Variants in TENT5C observed in about 807,000 individuals in gnomAD.
TENT5C encodes the protein terminal nucleotidyltransferase 5C, also known as family with sequence similarity 46 member C.
Under a neutral mutation model 22.2 loss-of-function variants are expected in TENT5C, and 5 were observed. That is an observed-to-expected ratio of 0.22 (90% CI 0.12 to 0.47). The LOEUF is 0.47. TENT5C is among the 20% of genes least tolerant of loss of function. The pLI is 0.99. For synonymous variants in TENT5C, 199 were observed against 195.4 expected (o/e 1.02, Z -0.15); for missense variants, 364 against 500.9 (o/e 0.73, Z 2.61).
Position 117,626,383 on chromosome 1 carries a change from T to C in TENT5C, c.*2339T>C, listed in dbSNP as rs1291321314. ...CCCAGTCCCCAGTCTTTGCCACCAT[T>C]GCACCATGGTTGTCTCGGAGTCCCT... On this transcript the variant is annotated 3_prime_UTR_variant, in exon 2 of 2. Transcript: ENST00000369448. 1 of 247,894 alleles carries C rather than the reference T, an allele frequency of 4.0e-6. No individual in the cohort carries two copies. Among genetic ancestry groups the C allele is most frequent in the East Asian group, 6.0e-5 (1 of 16,584 alleles). The allele number at this position is 247,894 out of a possible 1,614,324, so 15.4% of individuals were successfully genotyped here.
At chr1:117,612,699 A>G (rs1036105636) in intron 1 of TENT5C, among the ~76,000 whole-genome samples, 1 of 152,246 alleles carries the variant, frequency 6.6e-6, no homozygotes, top group African/African-American at 2.4e-5. Flanking sequence ...CGTAATTAGC[A>G]TCTGCTCTGA....
At position 117,623,238 on chromosome 1, in the gene TENT5C, G is replaced by A. The variant is rs1653938675; in HGVS notation, c.370G>A (p.Val124Met). The change falls in exon 2 of 2, where the codon GTG (valine) becomes ATG (methionine). Residue 124 changes from valine (V) to methionine (M), a missense_variant. Physicochemically the swap from Val to Met is conservative, Grantham distance 21. Coordinates refer to ENST00000369448, the MANE Select transcript of TENT5C (RefSeq NM_017709.4). ...CSLLNFLPEG[V>M]NKLKISPVTL... is the part of the protein sequence containing the mutation. ...CCTTCTGAACTTCCTGCCAGAGGGTGTGAACAAGCTCAAAATCAGTCCAGT... is the reference window on the plus strand; with the variant it reads ...CCTTCTGAACTTCCTGCCAGAGGGTATGAACAAGCTCAAAATCAGTCCAGT... 6.2e-7 allele frequency: 1 copy of A among 1,614,188 alleles called. No individual in the cohort carries two copies. The highest frequency in any genetic ancestry group is 8.5e-7 in the Non-Finnish European group (1 of 1,180,040).
At chr1:117,621,021 C>A (rs546388325) in intron 1 of TENT5C, among the ~76,000 whole-genome samples, 65 of 152,248 alleles carry the variant, frequency 4.3e-4, no homozygotes, top group African/African-American at 1.5e-3. Context: ...ACTCTACTAT[C>A]CCAAATCTGC....
intron 1 of TENT5C, among the ~76,000 whole-genome samples, chr1:117,610,068 TTCTC>T (rs956625964): frequency 1.4e-4 from 22 of 152,198 alleles, no homozygotes; most frequent in African/African-American, 4.6e-4. Context: ...ACTCAGCCTT[TTCTC>T]TCTCTCTGTT....
In TENT5C at chr1:117,624,029, G is replaced by A. The variant is rs774743199; in HGVS notation, c.1161G>A (p.Trp387Ter). 6 of 1,612,462 alleles carry A rather than the reference G, an allele frequency of 3.7e-6. No homozygotes were observed. The highest frequency in any genetic ancestry group is 1.1e-5 in the South Asian group (1 of 90,672). The part of the protein sequence containing the change: ...PVTYSQPYPT[W>*]LPCN ...CCTACAGCCAGCCTTACCCTACCTG[G>A]CTGCCCTGTAACTAACCTTGAGACC... is the stretch of plus-strand genomic sequence containing the variant. The change falls in exon 2 of 2, where the codon TGG (tryptophan) becomes TGA (stop). Residue 387 changes from tryptophan (W) to a stop codon, truncating the protein, a stop_gained. Coordinates refer to ENST00000369448, the MANE Select transcript of TENT5C (RefSeq NM_017709.4). LOFTEE classifies it high-confidence loss of function.
chr1:117,625,601 A>G lies in TENT5C; in HGVS notation c.*1557A>G, dbSNP rs761960366. 9 of 248,082 alleles carry G rather than the reference A, an allele frequency of 3.6e-5. No individual in the cohort carries two copies. Among genetic ancestry groups the G allele is most frequent in the Non-Finnish European group, 6.8e-5 (8 of 118,132 alleles). 15.4% of individuals were successfully genotyped at this position (248,082 alleles called of 1,614,324 possible). On this transcript the variant is annotated 3_prime_UTR_variant, in exon 2 of 2. Transcript: ENST00000369448. ...GTTCTAAAGTGATTTAATCAAATTC[A>G]TGCTCCTGATCTTTTTTTTCCCCCT...
In TENT5C at chr1:117,624,390, G is replaced by A. The variant is rs932120338; in HGVS notation, c.*346G>A. On this transcript the variant is annotated 3_prime_UTR_variant, in exon 2 of 2. Transcript: ENST00000369448. ...GAGATTGGGAGAATTTGGGCAGCGC[G>A]TGAGAAGTGCTAAGCTACTTGTTTT... is the stretch of plus-strand genomic sequence containing the variant. The A allele has an allele frequency of 2.3e-5, 7 of 302,290 alleles. No homozygotes were observed. The highest frequency in any genetic ancestry group is 3.3e-5 in the Non-Finnish European group (5 of 153,454). 18.7% of individuals were successfully genotyped at this position (302,290 alleles called of 1,614,324 possible).
At chr1:117,614,745 C>A (rs1449737843) in intron 1 of TENT5C, among the ~76,000 whole-genome samples, 1 of 152,124 alleles carries the variant, frequency 6.6e-6, no homozygotes, top group Admixed American at 6.5e-5. Context: ...AAGCAGCATG[C>A]CTTAGTTTTC....
chr1:117,621,990 A>G (rs1473378801), intron 1 of TENT5C, among the ~76,000 whole-genome samples: 2 of 152,100 alleles, frequency 1.3e-5, no homozygotes, highest in African/African-American at 2.4e-5. Flanking sequence ...TTAAGGTACT[A>G]TTGTTTTCCA....
Position 117,606,065 on chromosome 1 carries a change from T to G in TENT5C, c.-116T>G, listed in dbSNP as rs1653518303. Reference sequence around the variant, plus strand: ...GGCGGGACGGCTCACTCGGTGCCGCTGCCTAGGGGCTGTAGAGGTCGCGCC... The same window carrying G: ...GGCGGGACGGCTCACTCGGTGCCGCGGCCTAGGGGCTGTAGAGGTCGCGCC... On this transcript the variant is annotated 5_prime_UTR_variant, in exon 1 of 2. Transcript: ENST00000369448. 6.6e-6 allele frequency: 1 copy of G among 152,174 alleles called. No homozygotes were observed. Among genetic ancestry groups the G allele is most frequent in the South Asian group, 2.1e-4 (1 of 4,824 alleles). The allele number at this position is 152,174 out of a possible 1,614,324, so 9.4% of individuals were successfully genotyped here.
rs1654020660 is a variant in TENT5C, at chr1:117,626,672, C to G, written c.*2628C>G. 4.0e-6 allele frequency: 1 copy of G among 247,944 alleles called. No homozygotes were observed. The highest frequency in any genetic ancestry group is 8.5e-6 in the Non-Finnish European group (1 of 118,108). 15.4% of individuals were successfully genotyped at this position (247,944 alleles called of 1,614,324 possible). On this transcript the variant is annotated 3_prime_UTR_variant, in exon 2 of 2. Coordinates refer to ENST00000369448, the MANE Select transcript of TENT5C (RefSeq NM_017709.4). ...AAGCACCAGGTACCCTGAGCTTATACTGAGTCCAGTGGTTCCTATTTTATG... is the reference window on the plus strand; with the variant it reads ...AAGCACCAGGTACCCTGAGCTTATAGTGAGTCCAGTGGTTCCTATTTTATG...
At chr1:117,606,203 C>T (rs945906351) in intron 1 of TENT5C, 50 bp downstream of exon 1, 1 of 152,158 alleles carries the variant, frequency 6.6e-6, no homozygotes, top group Non-Finnish European at 1.5e-5. Context: ...CGGCAGCAGC[C>T]CCAGGGAGCC....
At chr1:117,617,593 A>G (rs1653814558) in intron 1 of TENT5C, among the ~76,000 whole-genome samples, 1 of 152,244 alleles carries the variant, frequency 6.6e-6, no homozygotes, top group African/African-American at 2.4e-5. Context: ...CTCAAACAGT[A>G]AAAGGGAAAT....
chr1:117,616,316 G>A (rs1653778910), intron 1 of TENT5C, among the ~76,000 whole-genome samples: 1 of 152,246 alleles, frequency 6.6e-6, no homozygotes, highest in South Asian at 2.1e-4. Flanking sequence ...AAGCAAAGAA[G>A]AGATGGACTT....
chr1:117,625,798 A>G lies in TENT5C; in HGVS notation c.*1754A>G, dbSNP rs754719846. On this transcript the variant is annotated 3_prime_UTR_variant, in exon 2 of 2. Transcript: ENST00000369448. ...GTGATGTCTTGGTCCTCTTAAAAGC[A>G]GATCAGCCATGACTGAAACTCAAGG... 61 of 248,020 alleles carry G rather than the reference A, an allele frequency of 2.5e-4. No homozygotes were observed. Among genetic ancestry groups the G allele is most frequent in the Non-Finnish European group, 4.5e-4 (53 of 118,100 alleles). 15.4% of individuals were successfully genotyped at this position (248,020 alleles called of 1,614,324 possible).
intron 1 of TENT5C, among the ~76,000 whole-genome samples, chr1:117,610,389 A>C (rs11587735): frequency 0.14 from 21,583 of 152,066 alleles, 1,863 homozygotes; most frequent in Admixed American, 0.24. Context: ...CACAGAACAG[A>C]TACTCATATC....
intron 1 of TENT5C, among the ~76,000 whole-genome samples, chr1:117,614,549 T>G (rs1367954541): frequency 6.6e-6 from 1 of 152,188 alleles, no homozygotes; most frequent in Non-Finnish European, 1.5e-5. Flanking sequence ...TAAGTCCTGG[T>G]CACTGCCTGC....
intron 1 of TENT5C, among the ~76,000 whole-genome samples, chr1:117,621,289 A>G (rs1270019837): frequency 6.6e-6 from 1 of 152,196 alleles, no homozygotes; most frequent in South Asian, 2.1e-4. Context: ...CCAACAGCTC[A>G]TGTTGTCTTT....
chr1:117,622,346 TG>T, intron 1 of TENT5C, among the ~76,000 whole-genome samples: 1 of 144,492 alleles, frequency 6.9e-6, no homozygotes, highest in Non-Finnish European at 1.5e-5. Context: ...TGTGTGTGTG[TG>T]TGTGTCTGTG....
Sources: allele counts gnomAD v4.1 joint callset (sites outside exome capture counted in the v4.1 genomes callset), GRCh38; gene constraint gnomAD v4.1.1; transcripts MANE v1.5; gene names NCBI Gene and HGNC (gene_info 2026-07-23, HGNC 2026-07-21).